TPCN2: variants seen among roughly 807,000 people sequenced by gnomAD.
TPCN2 encodes two pore segment channel 2.
TPCN2 carries 92 observed loss-of-function variants against 111.4 expected under a neutral mutation model. That is an observed-to-expected ratio of 0.83 (90% confidence interval 0.70 to 0.98). The LOEUF (loss-of-function observed/expected upper bound fraction) is 0.98, where lower values mean the gene tolerates loss of function less well. Among genes scored for constraint, TPCN2 ranks in the 50% least tolerant of loss-of-function variants. The pLI is 0.00. For missense variants in TPCN2, 995 were observed against 980.1 expected (o/e 1.02, Z -0.20); for synonymous variants, 405 against 414.5 (o/e 0.98, Z 0.28).
At chr11:69,081,311 G>A (rs11604265) in intron 17 of TPCN2, 89 bp from the exon 18 acceptor site, 5 of 815,968 alleles carry the variant, frequency 6.1e-6, no homozygotes, top group Middle Eastern at 3.4e-4. Context: ...CCCTCCCTGC[G>A]CCTCCGTCCA....
At chr11:69,079,057 C>T (rs768278676) in intron 16 of TPCN2, 37 bp downstream of exon 16, 46 of 1,574,904 alleles carry the variant, frequency 2.9e-5, no homozygotes, top group Non-Finnish European at 3.4e-5. Context: ...CTCTACTGGG[C>T]GGGTGGGTGA....
intron 19 of TPCN2, chr11:69,084,593 C>T (rs949789400): frequency 8.1e-6 from 8 of 985,334 alleles, no homozygotes; most frequent in African/African-American, 3.5e-5. Context: ...AGATCCGCGC[C>T]GTGCAGAGTG....
chr11:69,054,706 A>G lies in TPCN2; in HGVS notation c.175-15A>G. The G allele has an allele frequency of 6.2e-7, 1 of 1,613,582 alleles. No individual in the cohort carries two copies. The highest frequency in any genetic ancestry group is 8.5e-7 in the Non-Finnish European group (1 of 1,179,634). On this transcript the variant is annotated splice_polypyrimidine_tract_variant and intron_variant, in intron 2 of 24. Coordinates refer to ENST00000294309, the MANE Select transcript of TPCN2 (RefSeq NM_139075.4). ...ATGCACCCATGTCATGCCTCATGTG[A>G]CTTTTCGCTTGTAGTACCGCTCCAT... is the stretch of plus-strand genomic sequence containing the variant.
In TPCN2 at chr11:69,071,995, G is replaced by A. The variant is rs769755587; in HGVS notation, c.1033G>A (p.Val345Met). The change falls in exon 11 of 25, where the codon GTG becomes ATG. Residue 345 changes from valine to methionine, a missense_variant. By Grantham distance (21) the Val-to-Met change is conservative. Transcript: ENST00000294309. ...TGCCTTTGAAGTCCTATCCTCCATG[G>A]TGGGGGAGGGAGGAGCCTTCCCTCA... is the stretch of plus-strand genomic sequence containing the variant. ...RAAFEVLSSMVGEGGAFPQAV... is the reference protein window; with the variant it reads ...RAAFEVLSSMMGEGGAFPQAV... The A allele has an allele frequency of 6.2e-7, 1 of 1,613,920 alleles. No individual in the cohort carries two copies. Among genetic ancestry groups the A allele is most frequent in the Non-Finnish European group, 8.5e-7 (1 of 1,179,936 alleles).
In TPCN2 at chr11:69,078,937, C is replaced by T; in HGVS notation, c.1456C>T (p.Leu486Phe). The T allele has an allele frequency of 6.2e-7, 1 of 1,614,102 alleles. No homozygotes were observed. Residue 486 changes from leucine (L) to phenylalanine (F), a missense_variant, in exon 16 of 25, where the codon CTC (leucine) becomes TTC (phenylalanine). Transcript: ENST00000294309. ...FIVYYLLEML[L>F]KVFALGLRGY... ...TGTGTACTACCTGTTGGAGATGCTG[C>T]TCAAGGTCTTTGCCCTGGGCCTGCG...
chr11:69,071,193 C>T (rs111764600), intron 9 of TPCN2, among the ~76,000 whole-genome samples, 163 bp from the exon 10 acceptor site: 64 of 152,224 alleles, frequency 4.2e-4, no homozygotes, highest in African/African-American at 1.5e-3. Flanking sequence ...TCTGTCCCCA[C>T]CATTGACCTC....
intron 18 of TPCN2, among the ~76,000 whole-genome samples, chr11:69,082,431 G>A (rs1274742002): frequency 9.9e-5 from 15 of 152,260 alleles, no homozygotes; most frequent in Admixed American, 6.5e-4. Flanking sequence ...ACATTAATAC[G>A]CACGCCCGCA....
At chr11:69,079,461 GC>G (rs370795489) in intron 16 of TPCN2, 3 of 288,676 alleles carry the variant, frequency 1.0e-5, no homozygotes, top group African/African-American at 6.5e-5. Flanking sequence ...GTGAGGGCAT[GC>G]CACACTTGGT....
intron 5 of TPCN2, among the ~76,000 whole-genome samples, chr11:69,057,900 C>T (rs536571297): frequency 6.6e-5 from 10 of 152,324 alleles, no homozygotes; most frequent in Non-Finnish European, 1.2e-4. Context: ...GAGGCCTGGA[C>T]GGGCACAGGG....
Position 69,090,432 on chromosome 11 carries a change from T to C in TPCN2, c.*2479T>C, listed in dbSNP as rs982842711. ...GACTGGGGCTTTGACTCCCACACTGTGTACCCCTCTTGTGTGGACGCCCTG... is the reference window on the plus strand; with the variant it reads ...GACTGGGGCTTTGACTCCCACACTGCGTACCCCTCTTGTGTGGACGCCCTG... On this transcript the variant is annotated 3_prime_UTR_variant, in exon 25 of 25. Transcript: ENST00000294309. The C allele has an allele frequency of 1.3e-5, 2 of 152,190 alleles. No individual in the cohort carries two copies. The highest frequency in any genetic ancestry group is 4.8e-5 in the African/African-American group (2 of 41,422). The allele number at this position is 152,190 out of a possible 1,614,324, so 9.4% of individuals were successfully genotyped here.
intron 5 of TPCN2, among the ~76,000 whole-genome samples, chr11:69,058,255 A>C (rs1854862468): frequency 6.6e-6 from 1 of 152,214 alleles, no homozygotes; most frequent in South Asian, 2.1e-4. Flanking sequence ...GCAGAGCCCC[A>C]CAGGTGCCTT....
intron 19 of TPCN2, among the ~76,000 whole-genome samples, chr11:69,084,464 C>T (rs571218480): frequency 2.6e-5 from 4 of 152,214 alleles, no homozygotes; most frequent in Admixed American, 2.0e-4. Flanking sequence ...ATTTGCTGAG[C>T]GAGAACTGTG....
intron 13 of TPCN2, among the ~76,000 whole-genome samples, 194 bp from the exon 14 acceptor site, chr11:69,078,288 A>G (rs1298933382): frequency 6.6e-6 from 1 of 152,128 alleles, no homozygotes; most frequent in Non-Finnish European, 1.5e-5. Flanking sequence ...GGGTGTTACA[A>G]AGACCACTGA....
At chr11:69,072,773 C>G in intron 12 of TPCN2, 65 bp downstream of exon 12, 2 of 1,593,538 alleles carry the variant, frequency 1.3e-6, no homozygotes, top group East Asian at 4.5e-5. Flanking sequence ...GCCAGCAGCC[C>G]CTTTTCAGGA....
intron 24 of TPCN2, 55 bp downstream of exon 24, chr11:69,087,261 G>GC: frequency 6.5e-7 from 1 of 1,538,124 alleles, no homozygotes; most frequent in Non-Finnish European, 8.9e-7. Flanking sequence ...GAAGCCAAGA[G>GC]CTGGGGGGTG....
At chr11:69,063,064 G>T (rs1855093788) in intron 6 of TPCN2, 74 bp downstream of exon 6, 2 of 1,331,270 alleles carry the variant, frequency 1.5e-6, no homozygotes, top group East Asian at 4.6e-5. Context: ...GGTTGCGGGT[G>T]GGGCCCACCG....
At chr11:69,065,619 G>A (rs906262357) in intron 7 of TPCN2, among the ~76,000 whole-genome samples, 6 of 152,162 alleles carry the variant, frequency 3.9e-5, no homozygotes, top group African/African-American at 7.2e-5. Flanking sequence ...GGCCTGGGGC[G>A]GTAGCCAGGC....
chr11:69,055,005 G>T (rs1854691563), intron 3 of TPCN2, among the ~76,000 whole-genome samples, 170 bp from the exon 4 acceptor site: 1 of 152,212 alleles, frequency 6.6e-6, no homozygotes, highest in Non-Finnish European at 1.5e-5. Context: ...GAATGCTGTG[G>T]TCAGCCCTCG....
rs35264875 is a variant in TPCN2 at position 69,078,931 on chromosome 11, A to G, written c.1450A>G (p.Met484Val). Reference protein sequence around the residue: ...CVFIVYYLLEMLLKVFALGLR... With the variant: ...CVFIVYYLLEVLLKVFALGLR... Reference sequence around the variant, plus strand: ...CTTCATTGTGTACTACCTGTTGGAGATGCTGCTCAAGGTCTTTGCCCTGGG... The same window carrying G: ...CTTCATTGTGTACTACCTGTTGGAGGTGCTGCTCAAGGTCTTTGCCCTGGG... The change falls in exon 16 of 25, where the codon ATG becomes GTG. Residue 484 changes from methionine (M) to valine (V), a missense_variant. By Grantham distance (21) the Met-to-Val change is conservative. Coordinates refer to ENST00000294309, the MANE Select transcript of TPCN2 (RefSeq NM_139075.4). 2 of 1,613,734 alleles carry G rather than the reference A, an allele frequency of 1.2e-6. No homozygotes were observed. Among genetic ancestry groups the G allele is most frequent in the Non-Finnish European group, 8.5e-7 (1 of 1,179,948 alleles).
Sources: allele counts gnomAD v4.1 joint callset (sites outside exome capture counted in the v4.1 genomes callset), GRCh38; gene constraint gnomAD v4.1.1; transcripts MANE v1.5; gene names NCBI Gene and HGNC (gene_info 2026-07-23, HGNC 2026-07-21).